Variants in DNHD1 observed in about 807,000 individuals in gnomAD.
The protein encoded by DNHD1 is dynein heavy chain domain 1.
A neutral mutation model predicts 458.1 loss-of-function variants in DNHD1; 383 were observed. The observed-to-expected ratio is 0.84, with a 90% CI of 0.77 to 0.91. The LOEUF is 0.91. Among genes scored for constraint, DNHD1 ranks in the 40% least tolerant of loss-of-function variants. DNHD1 has a pLI of 0.00. For synonymous variants in DNHD1, 2,203 were observed against 2,376.9 expected (o/e 0.93, Z 2.13); for missense variants, 5,336 against 5,866.1 (o/e 0.91, Z 2.95).
In DNHD1 at chr11:6,557,967, G is replaced by A. The variant is rs766943203; in HGVS notation, c.8672G>A (p.Gly2891Glu). The A allele has an allele frequency of 5.2e-6, 8 of 1,551,658 alleles. No individual in the cohort carries two copies. The highest frequency in any genetic ancestry group is 3.3e-4 in the Middle Eastern group (2 of 5,992). Residue 2891 changes from glycine (G) to glutamate (E), a missense_variant, in exon 25 of 43, where the codon GGG becomes GAG. This residue lies in a region of DNHD1 where 3,932 missense variants were observed against 4,365.6 expected (regional missense o/e 0.90). Transcript: ENST00000254579. ...CGGCAGCATGGCCTGCTGCTCTCGG[G>A]GGCTCTGGGTACTGGGCGCCACACT... Reference protein sequence around the residue: ...RPRQHGLLLSGALGTGRHTAI... With the variant: ...RPRQHGLLLSEALGTGRHTAI...
At chr11:6,528,415 GT>G in intron 10 of DNHD1, 106 bp from the exon 11 acceptor site, 1 of 1,227,694 alleles carries the variant, frequency 8.1e-7, no homozygotes, top group Non-Finnish European at 1.1e-6. Context: ...GTGTGTGTGT[GT>G]GTGTGTGTGT....
In DNHD1 at chr11:6,498,724, C is replaced by T; in HGVS notation, c.509C>T (p.Ala170Val). 6.2e-7 allele frequency: 1 copy of T among 1,614,176 alleles called. No individual in the cohort carries two copies. ...PPCPACPFVQAQWSRQQVKEE... is the reference protein window; with the variant it reads ...PPCPACPFVQVQWSRQQVKEE... Reference sequence around the variant, plus strand: ...TGCCCAGCTTGCCCTTTTGTGCAGGCCCAGTGGAGCAGGCAGCAAGTAAAG... The same window carrying T: ...TGCCCAGCTTGCCCTTTTGTGCAGGTCCAGTGGAGCAGGCAGCAAGTAAAG... Residue 170 changes from alanine to valine, a missense_variant, in exon 3 of 43, where the codon GCC becomes GTC. Ala to Val is a moderately conservative substitution (Grantham distance 64). Around this residue, in one of 4 missense-constraint regions of DNHD1, gnomAD observed 3,932 missense variants for 4,365.6 expected, o/e 0.90. Coordinates refer to ENST00000254579, the MANE Select transcript of DNHD1 (RefSeq NM_144666.3).
At chr11:6,512,075 A>G (rs1310217108) in intron 7 of DNHD1, among the ~76,000 whole-genome samples, 1 of 152,096 alleles carries the variant, frequency 6.6e-6, no homozygotes, top group African/African-American at 2.4e-5. Context: ...AAGGAGGCAT[A>G]CCTTGCCTGG....
chr11:6,510,881 A>G (rs1279808477), intron 6 of DNHD1, among the ~76,000 whole-genome samples: 1 of 152,260 alleles, frequency 6.6e-6, no homozygotes, highest in Non-Finnish European at 1.5e-5. Context: ...TTCCAGTTTC[A>G]TCACATTTGA....
intron 24 of DNHD1, among the ~76,000 whole-genome samples, chr11:6,555,898 T>G (rs1384037737): frequency 6.6e-6 from 1 of 152,222 alleles, no homozygotes; most frequent in Non-Finnish European, 1.5e-5. Context: ...GTGTGTACAT[T>G]AGTCAAAATT....
chr11:6,539,275 A>G lies in DNHD1; in HGVS notation c.3382A>G (p.Thr1128Ala). The G allele has an allele frequency of 1.3e-6, 2 of 1,551,646 alleles. No homozygotes were observed. Among genetic ancestry groups the G allele is most frequent in the Non-Finnish European group, 1.7e-6 (2 of 1,146,992 alleles). ...IELLTLGQLL[T>A]YPLLEFADRI... ...ACTCCTAACGCTGGGCCAGCTGCTTACTTATCCACTGCTGGAGTTTGCAGA... is the reference window on the plus strand; with the variant it reads ...ACTCCTAACGCTGGGCCAGCTGCTTGCTTATCCACTGCTGGAGTTTGCAGA... The change falls in exon 17 of 43, where the codon ACT becomes GCT. Residue 1128 changes from threonine to alanine, a missense_variant. Coordinates refer to ENST00000254579, the MANE Select transcript of DNHD1 (RefSeq NM_144666.3).
At chr11:6,506,613 G>A (rs1468442373) in intron 4 of DNHD1, among the ~76,000 whole-genome samples, 2 of 151,980 alleles carry the variant, frequency 1.3e-5, no homozygotes, top group African/African-American at 4.8e-5. Context: ...TTTCTCCAGT[G>A]TTTGATTTAC....
chr11:6,503,111 C>A, intron 4 of DNHD1, 185 bp downstream of exon 4: 1 of 572,104 alleles, frequency 1.7e-6, no homozygotes, highest in Non-Finnish European at 3.0e-6. Context: ...CACTCTCTAC[C>A]TCCCCTTCAC....
At position 6,544,162 on chromosome 11, in the gene DNHD1, G is replaced by A. The variant is rs370024748; in HGVS notation, c.3670G>A (p.Val1224Met). The change falls in exon 19 of 43, where the codon GTG becomes ATG. Residue 1224 changes from valine to methionine, a missense_variant. By Grantham distance (21) the Val-to-Met change is conservative. Around this residue, in one of 4 missense-constraint regions of DNHD1, gnomAD observed 3,932 missense variants for 4,365.6 expected, o/e 0.90. Transcript: ENST00000254579. ...LQDSIQESLQ[V>M]LSKILAIEKS... ...GGATTCCATCCAGGAAAGTCTTCAGGTGTTGTCCAAGATCTTGGCCATCGA... is the reference window on the plus strand; with the variant it reads ...GGATTCCATCCAGGAAAGTCTTCAGATGTTGTCCAAGATCTTGGCCATCGA... 1.3e-6 allele frequency: 2 copies of A among 1,551,604 alleles called. No homozygotes were observed. Among genetic ancestry groups the A allele is most frequent in the Non-Finnish European group, 1.7e-6 (2 of 1,146,974 alleles).
rs372619391 is a variant in DNHD1, at chr11:6,534,098, G to A, written c.2923G>A (p.Val975Ile). ...TCAGAGGAGTACTGAGCACCAGCTC[G>A]TCTCCCTAGAGCGTCAGTTCCAGAA... Reference protein sequence around the residue: ...QDQRSTEHQLVSLERQFQNTV... With the variant: ...QDQRSTEHQLISLERQFQNTV... Residue 975 changes from valine to isoleucine, a missense_variant, in exon 14 of 43, where the codon GTC becomes ATC. Coordinates refer to ENST00000254579, the MANE Select transcript of DNHD1 (RefSeq NM_144666.3). The A allele has an allele frequency of 5.4e-5, 84 of 1,551,328 alleles. No individual in the cohort carries two copies. Among genetic ancestry groups the A allele is most frequent in the African/African-American group, 4.0e-4 (29 of 72,992 alleles).
rs376926817 is a variant in DNHD1 at position 6,568,257 on chromosome 11, T to C, written c.12538+15T>C. 20 of 1,541,262 alleles carry C rather than the reference T, an allele frequency of 1.3e-5. No individual in the cohort carries two copies. The East Asian group carries it at 1.7e-4, about 13-fold the overall frequency. ...CAGAGCCAAGGGTGAGTTTATTGCC[T>C]AGATTGGCTTCCAGGATCCTATCCT... On this transcript the variant is annotated intron_variant, in intron 37 of 42. Coordinates refer to ENST00000254579, the MANE Select transcript of DNHD1 (RefSeq NM_144666.3).
Position 6,528,943 on chromosome 11 carries a change from C to T in DNHD1, c.2169C>T (p.Phe723=). ...ATTGGATAACAGGCATTTATGAATT[C>T]CTGCAATCCTGGGGGCCTCAGAAGC... ...EHHWITGIYE[F]LQSWGPQKLE... Residue 723 remains phenylalanine (F), a synonymous_variant, in exon 12 of 43, where the codon TTC becomes TTT. Transcript: ENST00000254579. The T allele has an allele frequency of 6.4e-7, 1 of 1,551,694 alleles. No homozygotes were observed. The highest frequency in any genetic ancestry group is 1.2e-5 in the South Asian group (1 of 84,062).
At chr11:6,543,970 A>G (rs1343236676) in intron 18 of DNHD1, 151 bp from the exon 19 acceptor site, 2 of 738,064 alleles carry the variant, frequency 2.7e-6, no homozygotes, top group East Asian at 5.9e-5. Flanking sequence ...AAAAAAAAAA[A>G]AAAAAAAAAA....
At chr11:6,562,244 C>T (rs1275552029) in intron 28 of DNHD1, among the ~76,000 whole-genome samples, 1 of 152,148 alleles carries the variant, frequency 6.6e-6, no homozygotes, top group East Asian at 1.9e-4. Context: ...CCTTGGGAAT[C>T]TTGCCACCAT....
chr11:6,545,357 G>A lies in DNHD1; in HGVS notation c.4418G>A (p.Arg1473Gln), dbSNP rs1472197069. 1.3e-6 allele frequency: 2 copies of A among 1,551,622 alleles called. No homozygotes were observed. The highest frequency in any genetic ancestry group is 1.4e-5 in the African/African-American group (1 of 73,042). The change falls in exon 21 of 43, where the codon CGA becomes CAA. Residue 1473 changes from arginine to glutamine, a missense_variant. Physicochemically the swap from Arg to Gln is conservative, Grantham distance 43. Coordinates refer to ENST00000254579, the MANE Select transcript of DNHD1 (RefSeq NM_144666.3). This position sits in a 1 kb window ranked among gnomAD's most constrained non-coding sequence, Gnocchi z 4.9. ...GGCTGTGTGGCTGCTCGCCTTGCTC[G>A]AGGCCCATCTCTAGGTGAGGCCCTC... ...LQGCVAARLA[R>Q]GPSLGEALKQ...
In DNHD1 at chr11:6,548,098, A is replaced by G. The variant is rs1853262144; in HGVS notation, c.6905+58A>G. ...AGGGCTGAGATGGACTGGCCCATGG[A>G]AGTAAAAACCCACATGACATCACTG... On this transcript the variant is annotated intron_variant, in intron 22 of 42. Transcript: ENST00000254579. This position sits in a 1 kb window ranked among gnomAD's most constrained non-coding sequence, Gnocchi z 4.4. 1 of 1,549,488 alleles carries G rather than the reference A, an allele frequency of 6.5e-7. No homozygotes were observed. Among genetic ancestry groups the G allele is most frequent in the Non-Finnish European group, 8.7e-7 (1 of 1,145,078 alleles).
chr11:6,500,923 C>G (rs1852119891), intron 3 of DNHD1, among the ~76,000 whole-genome samples: 1 of 151,682 alleles, frequency 6.6e-6, no homozygotes, highest in African/African-American at 2.4e-5. Context: ...CAAAAGAATA[C>G]TGTCTTTTGC....
In DNHD1 at chr11:6,571,039, G is replaced by A; in HGVS notation, c.13527G>A (p.Gln4509=). 1.3e-6 allele frequency: 2 copies of A among 1,581,366 alleles called. No homozygotes were observed. The highest frequency in any genetic ancestry group is 1.7e-6 in the Non-Finnish European group (2 of 1,161,474). Residue 4509 remains glutamine (Q), a synonymous_variant, in exon 42 of 43, where the codon CAG becomes CAA. Coordinates refer to ENST00000254579, the MANE Select transcript of DNHD1 (RefSeq NM_144666.3). The surrounding 1 kb of genome is among the most constrained non-coding windows in gnomAD (Gnocchi z 5.0). ...GCGACCTTGATTGCCTGTTGCAGCA[G>A]CTGAAGGGCGCACCCCCGTGCCCCT... ...LQRDLDCLLQ[Q]LKGAPPCPSR...
In DNHD1 at chr11:6,519,592, G is replaced by A; in HGVS notation, c.1393-8G>A. ...CCTATCTGGTGAGTTTCCACTCTAT[G>A]CTCACAGGTTCACGAGGACACATAC... On this transcript the variant is annotated splice_polypyrimidine_tract_variant and splice_region_variant and intron_variant, in intron 7 of 42. Transcript: ENST00000254579. 1 of 1,613,922 alleles carries A rather than the reference G, an allele frequency of 6.2e-7. No homozygotes were observed. The highest frequency in any genetic ancestry group is 1.1e-5 in the South Asian group (1 of 91,006).
Sources: allele counts gnomAD v4.1 joint callset (sites outside exome capture counted in the v4.1 genomes callset), GRCh38; gene constraint gnomAD v4.1.1; regional missense constraint gnomAD v4.1.1; non-coding constraint Gnocchi (gnomAD v3.1); transcripts MANE v1.5; gene names NCBI Gene and HGNC (gene_info 2026-07-23, HGNC 2026-07-21).